ULK4: variants seen among roughly 807,000 people sequenced by gnomAD.
The protein encoded by ULK4 is inactive serine/threonine-protein kinase ULK4.
Under a neutral mutation model 160.6 loss-of-function variants are expected in ULK4, and 133 were observed. That is an observed-to-expected ratio of 0.83 (90% CI 0.72 to 0.96). ULK4 has a LOEUF of 0.96. Ranked by LOEUF, ULK4 falls within the 40% of genes least tolerant of loss-of-function variation. The pLI is 0.00. For missense variants in ULK4, 1,580 were observed against 1,499.5 expected (o/e 1.05, Z -0.89); for synonymous variants, 534 against 539.8 (o/e 0.99, Z 0.15).
chr3:41,926,805 A>C (rs1699403374), intron 5 of ULK4, among the ~76,000 whole-genome samples: 2 of 150,208 alleles, frequency 1.3e-5, no homozygotes, highest in African/African-American at 5.1e-5. Context: ...AGAGAAAAAA[A>C]GAATGAAAAG....
chr3:41,764,300 T>A (rs1024553321), intron 21 of ULK4, among the ~76,000 whole-genome samples: 1 of 152,202 alleles, frequency 6.6e-6, no homozygotes, highest in Non-Finnish European at 1.5e-5. Flanking sequence ...TCCAGAAACA[T>A]GGTAAAAATA....
intron 31 of ULK4, among the ~76,000 whole-genome samples, chr3:41,570,955 A>G (rs1010393954): frequency 2.6e-5 from 4 of 152,216 alleles, no homozygotes; most frequent in African/African-American, 9.7e-5. Flanking sequence ...CATTATTACT[A>G]GGAGTACTTA....
At chr3:41,830,986 C>T (rs2041560438) in intron 18 of ULK4, among the ~76,000 whole-genome samples, 1 of 150,216 alleles carries the variant, frequency 6.7e-6, no homozygotes, top group Non-Finnish European at 1.5e-5. Context: ...TAATGTACAT[C>T]GCACAGGGAA....
At position 41,718,489 on chromosome 3, in the gene ULK4, CCATCACCTTAGA is replaced by C. The variant is rs537182600; in HGVS notation, c.2322-640_2322-629del. Among the ~76,000 whole-genome samples the C allele has an allele frequency of 4.8e-3, 729 of 152,292 alleles. 3 individuals are homozygous for C. Among genetic ancestry groups the C allele is most frequent in the African/African-American group, 0.017 (705 of 41,568 alleles). ...ACCCGGAACTAGGGAGTCTACTGGA[CCATCACCTTAGA>C]CATTTAAGGTGTTACTACAAACTTT... On this transcript the variant is annotated intron_variant, in intron 22 of 36. Transcript: ENST00000301831.
chr3:41,441,282 G>T (rs34982216), intron 34 of ULK4, among the ~76,000 whole-genome samples: 31,721 of 151,936 alleles, frequency 0.21, 3,846 homozygotes, highest in East Asian at 0.57. Flanking sequence ...GAGGAGTCAT[G>T]TGCTGTAAAT....
intron 30 of ULK4, among the ~76,000 whole-genome samples, chr3:41,652,221 G>C (rs1019689030): frequency 6.6e-6 from 1 of 152,024 alleles, no homozygotes; most frequent in African/African-American, 2.4e-5. Context: ...TTACCACCTA[G>C]AGTTTTTTAC....
At chr3:41,548,349 G>A (rs757054033) in intron 32 of ULK4, among the ~76,000 whole-genome samples, 6 of 152,008 alleles carry the variant, frequency 3.9e-5, no homozygotes, top group East Asian at 3.9e-4. Flanking sequence ...CCCAGTGCCC[G>A]TACATTCTGC....
intron 31 of ULK4, among the ~76,000 whole-genome samples, chr3:41,584,623 C>G (rs1437733538): frequency 6.6e-6 from 1 of 152,148 alleles, no homozygotes; most frequent in Admixed American, 6.5e-5. Context: ...CCAAATAACA[C>G]AGCAACAACT....
At chr3:41,913,317 C>T (rs1698858786) in intron 8 of ULK4, 1 of 154,176 alleles carries the variant, frequency 6.5e-6, no homozygotes, top group African/African-American at 2.4e-5. Flanking sequence ...ACTCTGCCTC[C>T]CGGGTTCACG....
At chr3:41,400,385 G>A (rs1044807535) in intron 34 of ULK4, among the ~76,000 whole-genome samples, 2 of 151,964 alleles carry the variant, frequency 1.3e-5, no homozygotes, top group African/African-American at 4.8e-5. Flanking sequence ...AACCCCTGGT[G>A]ACCACACACC....
intron 16 of ULK4, among the ~76,000 whole-genome samples, chr3:41,892,673 C>T (rs983229381): frequency 2.8e-4 from 42 of 152,280 alleles, no homozygotes; most frequent in African/African-American, 9.6e-4. Flanking sequence ...TTACATTTGT[C>T]TTATCTGAGT....
chr3:41,596,601 G>A (rs945022346), intron 31 of ULK4, among the ~76,000 whole-genome samples: 5 of 152,152 alleles, frequency 3.3e-5, no homozygotes, highest in African/African-American at 1.2e-4. Context: ...AACTGTCATG[G>A]GTGAGCTGGA....
chr3:41,569,737 T>G (rs7627367), intron 31 of ULK4, among the ~76,000 whole-genome samples: 84,877 of 151,910 alleles, frequency 0.56, 26,402 homozygotes, highest in Admixed American at 0.7. Flanking sequence ...GCTTGATCTA[T>G]GCTATCAGAC....
chr3:41,284,791 T>C (rs2125697696), intron 35 of ULK4, among the ~76,000 whole-genome samples: 1 of 152,180 alleles, frequency 6.6e-6, no homozygotes, highest in South Asian at 2.1e-4. Flanking sequence ...AAAGGAACAG[T>C]GGGCAGAGTA....
At chr3:41,672,659 C>T (rs1295728392) in intron 29 of ULK4, among the ~76,000 whole-genome samples, 1 of 151,966 alleles carries the variant, frequency 6.6e-6, no homozygotes, top group Non-Finnish European at 1.5e-5. Flanking sequence ...CTGTAGTTAA[C>T]AAAAATGTAT....
chr3:41,741,156 A>G (rs2038226644), intron 22 of ULK4, among the ~76,000 whole-genome samples: 1 of 151,908 alleles, frequency 6.6e-6, no homozygotes, highest in Non-Finnish European at 1.5e-5. Flanking sequence ...ATACATATAT[A>G]TTTAATTATA....
chr3:41,502,643 ACATGAATGAATCTCAAAAG>A (rs1397045544), intron 32 of ULK4, among the ~76,000 whole-genome samples: 3 of 152,248 alleles, frequency 2.0e-5, no homozygotes, highest in Non-Finnish European at 4.4e-5. Flanking sequence ...ACATGTGACA[ACATGAATGAATCTCAAAAG>A]CATTTTGCAT....
intron 21 of ULK4, among the ~76,000 whole-genome samples, chr3:41,789,450 G>C (rs1273338281): frequency 6.6e-6 from 1 of 152,202 alleles, no homozygotes; most frequent in Non-Finnish European, 1.5e-5. Flanking sequence ...CAAGTAGGCA[G>C]AAGCCATTTA....
intron 1 of ULK4, among the ~76,000 whole-genome samples, chr3:41,958,043 CAAAAAA>C (rs60057307): frequency 8.4e-6 from 1 of 118,504 alleles, no homozygotes; most frequent in Admixed American, 8.4e-5. Context: ...GACCCTTTCT[CAAAAAA>C]AAAAAAAAAA....
Sources: gnomAD v4.1 joint callset for allele counts (sites outside exome capture counted in the v4.1 genomes callset) on GRCh38, gnomAD v4.1.1 for gene constraint, MANE v1.5 for transcripts, NCBI Gene and HGNC (gene_info 2026-07-23, HGNC 2026-07-21) for gene names.